Variants in BRAF observed in about 807,000 individuals in gnomAD.
The protein encoded by BRAF is B-Raf proto-oncogene, serine/threonine kinase.
BRAF carries 16 observed loss-of-function variants against 104.6 expected under a neutral mutation model. The observed-to-expected ratio is 0.15, with a 90% CI of 0.10 to 0.23. The LOEUF is 0.23. Ranked by LOEUF, BRAF falls within the 10% of genes least tolerant of loss-of-function variation. The probability of loss-of-function intolerance (pLI) is 1.00; values close to 1 mark genes in which losing one functional copy is unlikely to be tolerated. For missense variants in BRAF, 541 were observed against 937.3 expected (o/e 0.58, Z 5.52); for synonymous variants, 310 against 341.6 (o/e 0.91, Z 1.02).
At chr7:140,788,616 A>C (rs1057169331) in intron 8 of BRAF, among the ~76,000 whole-genome samples, 5 of 152,156 alleles carry the variant, frequency 3.3e-5, no homozygotes, top group African/African-American at 9.6e-5. Flanking sequence ...TTTGAGACTC[A>C]GTTGCTCTGT....
intron 3 of BRAF, among the ~76,000 whole-genome samples, chr7:140,810,770 T>C (rs553411691): frequency 3.0e-4 from 45 of 152,358 alleles, no homozygotes; most frequent in Middle Eastern, 3.4e-3. Context: ...AGTGCTTTCA[T>C]AGACATGCGC....
intron 1 of BRAF, among the ~76,000 whole-genome samples, chr7:140,912,241 T>C (rs1817065867): frequency 6.6e-6 from 1 of 152,040 alleles, no homozygotes; most frequent in South Asian, 2.1e-4. Flanking sequence ...CTTTCACATA[T>C]CCCCAATCCT....
At chr7:140,854,338 A>G (rs1209545611) in intron 1 of BRAF, among the ~76,000 whole-genome samples, 1 of 152,066 alleles carries the variant, frequency 6.6e-6, no homozygotes, top group Non-Finnish European at 1.5e-5. Context: ...TTGTCCCCTC[A>G]TGATTTATTT....
At chr7:140,848,545 T>C (rs1376926791) in intron 2 of BRAF, among the ~76,000 whole-genome samples, 6 of 152,178 alleles carry the variant, frequency 3.9e-5, no homozygotes, top group Non-Finnish European at 7.4e-5. Context: ...ATCACTGCTA[T>C]AGTGGGGACA....
intron 1 of BRAF, among the ~76,000 whole-genome samples, chr7:140,888,710 C>G (rs1813863063): frequency 6.6e-6 from 1 of 152,018 alleles, no homozygotes; most frequent in South Asian, 2.1e-4. Flanking sequence ...TGGCGGGCAC[C>G]TGTAATCCTA....
At position 140,723,172 on chromosome 7, in the gene BRAF, G is replaced by C. The variant is rs527865626; in HGVS notation, c.*3322C>G. The C allele has an allele frequency of 9.5e-7, 1 of 1,053,686 alleles. No individual in the cohort carries two copies. Among genetic ancestry groups the C allele is most frequent in the Admixed American group, 5.5e-5 (1 of 18,264 alleles). The allele number at this position is 1,053,686 out of a possible 1,614,324, so 65.3% of individuals were successfully genotyped here. A position where few individuals can be genotyped will look rare whatever the true frequency, so the allele number is the denominator to read the frequency against. On this transcript the variant is annotated 3_prime_UTR_variant, in exon 20 of 20. Transcript: ENST00000644969. ...CAAGCAGCTGGCGGGTGGATGTACA[G>C]TGGGGACAGGTGAGATCTGAGGAGG...
chr7:140,884,219 A>C (rs1813263027), intron 1 of BRAF: 1 of 151,888 alleles, frequency 6.6e-6, no homozygotes, highest in South Asian at 2.1e-4. Context: ...TTTTTTTTAA[A>C]ATTAGATTCA....
At chr7:140,781,347 C>A in intron 12 of BRAF, 4 of 532,084 alleles carry the variant, frequency 7.5e-6, no homozygotes, top group Non-Finnish European at 1.3e-5. Context: ...GGAGGAATTC[C>A]CCTTTAAAAA....
chr7:140,841,992 T>G (rs954437324), intron 2 of BRAF, among the ~76,000 whole-genome samples: 1 of 152,200 alleles, frequency 6.6e-6, no homozygotes, highest in Non-Finnish European at 1.5e-5. Flanking sequence ...TAATTATTCT[T>G]ACTCTCACAA....
intron 17 of BRAF, among the ~76,000 whole-genome samples, chr7:140,743,964 T>C (rs563377356): frequency 1.3e-5 from 2 of 152,374 alleles, no homozygotes; most frequent in African/African-American, 4.8e-5. Flanking sequence ...TGGTACATTA[T>C]AGGAATGAGC....
At chr7:140,729,454 G>A (rs915038105) in intron 19 of BRAF, among the ~76,000 whole-genome samples, 4 of 152,070 alleles carry the variant, frequency 2.6e-5, no homozygotes, top group Admixed American at 2.6e-4. Flanking sequence ...AGACCAGCCT[G>A]GCCAACATGG....
chr7:140,862,962 G>A (rs1386244006), intron 1 of BRAF, among the ~76,000 whole-genome samples: 2 of 152,088 alleles, frequency 1.3e-5, no homozygotes, highest in Admixed American at 1.3e-4. Context: ...TTTACATCCA[G>A]GCAAACTACC....
intron 2 of BRAF, among the ~76,000 whole-genome samples, chr7:140,841,347 T>G (rs1002486404): frequency 6.6e-6 from 1 of 152,200 alleles, no homozygotes; most frequent in African/African-American, 2.4e-5. Context: ...TTCCTCAAAG[T>G]GTAAAACAGA....
intron 1 of BRAF, among the ~76,000 whole-genome samples, chr7:140,856,212 C>T (rs1485593910): frequency 6.6e-6 from 1 of 151,352 alleles, no homozygotes; most frequent in African/African-American, 2.4e-5. Context: ...CAGGACTAGC[C>T]TAAGAGATTC....
chr7:140,768,131 G>C (rs1799504220), intron 14 of BRAF, among the ~76,000 whole-genome samples: 1 of 152,124 alleles, frequency 6.6e-6, no homozygotes, highest in South Asian at 2.1e-4. Context: ...CATTCTGAAA[G>C]GATACACAAT....
chr7:140,854,145 T>G (rs1342222712), intron 1 of BRAF, among the ~76,000 whole-genome samples: 1 of 152,150 alleles, frequency 6.6e-6, no homozygotes, highest in Non-Finnish European at 1.5e-5. Context: ...AATTTTTGTA[T>G]TTTTAGTAGA....
downstream of BRAF, among the ~76,000 whole-genome samples, chr7:140,717,479 T>A (rs977998605): frequency 6.6e-6 from 1 of 152,122 alleles, no homozygotes; most frequent in Non-Finnish European, 1.5e-5. Flanking sequence ...AACTCCTGGC[T>A]TCAAGTGATC....
At chr7:140,911,984 T>C (rs1452546121) in intron 1 of BRAF, among the ~76,000 whole-genome samples, 1 of 152,230 alleles carries the variant, frequency 6.6e-6, no homozygotes, top group South Asian at 2.1e-4. Flanking sequence ...AGACTCATAA[T>C]GCTGTCTAGA....
chr7:140,728,924 T>C (rs1325998216), intron 19 of BRAF, among the ~76,000 whole-genome samples: 3 of 151,996 alleles, frequency 2.0e-5, no homozygotes, highest in East Asian at 3.9e-4. Flanking sequence ...TAAAAAATAC[T>C]TAAAAAAATC....
Sources: gnomAD v4.1 joint callset for allele counts (sites outside exome capture counted in the v4.1 genomes callset) on GRCh38, gnomAD v4.1.1 for gene constraint, MANE v1.5 for transcripts, NCBI Gene and HGNC (gene_info 2026-07-23, HGNC 2026-07-21) for gene names.